The following CLMP variants were observed in gnomAD, a reference collection of about 807,000 sequenced individuals.
CLMP encodes CXADR-like membrane protein.
A neutral mutation model predicts 45.2 loss-of-function variants in CLMP; 27 were observed. The ratio of observed to expected loss-of-function variants is 0.60; its 90% CI spans 0.44 to 0.82. The LOEUF (loss-of-function observed/expected upper bound fraction) is 0.82. Among genes scored for constraint, CLMP ranks in the 40% least tolerant of loss-of-function variants. The pLI is 0.00. For missense variants in CLMP, 403 were observed against 448.4 expected (o/e 0.90, Z 0.91); for synonymous variants, 167 against 171.4 (o/e 0.97, Z 0.20).
chr11:123,168,521 T>C (rs886641507), intron 1 of CLMP, among the ~76,000 whole-genome samples: 1 of 152,144 alleles, frequency 6.6e-6, no homozygotes, highest in Non-Finnish European at 1.5e-5. Context: ...TGGGGCTGCT[T>C]TTCTCCTTGC....
At chr11:123,192,335 G>C (rs188938304) in intron 1 of CLMP, among the ~76,000 whole-genome samples, 2 of 152,282 alleles carry the variant, frequency 1.3e-5, no homozygotes, top group Admixed American at 6.5e-5. Context: ...TAGAAATTTT[G>C]AATTGAACAT....
At chr11:123,175,066 G>A (rs1262408365) in intron 1 of CLMP, among the ~76,000 whole-genome samples, 1 of 152,150 alleles carries the variant, frequency 6.6e-6, no homozygotes, top group Non-Finnish European at 1.5e-5. Context: ...TGATCCTCCT[G>A]CCTCTGTCTC....
chr11:123,125,526 C>T (rs1270057447), intron 1 of CLMP, among the ~76,000 whole-genome samples: 8 of 101,758 alleles, frequency 7.9e-5, no homozygotes, highest in African/African-American at 3.0e-4. Flanking sequence ...CCCTTCCCTT[C>T]CCTTCCCTCC....
Position 123,070,540 on chromosome 11 carries a change from A to G in CLMP, c.*2934T>C, listed in dbSNP as rs1270481927. The G allele has an allele frequency of 6.6e-6, 1 of 152,190 alleles. No homozygotes were observed. The highest frequency in any genetic ancestry group is 1.5e-5 in the Non-Finnish European group (1 of 68,034). 9.4% of individuals were successfully genotyped at this position (152,190 alleles called of 1,614,324 possible). On this transcript the variant is annotated 3_prime_UTR_variant, in exon 7 of 7. Transcript: ENST00000448775. Reference sequence around the variant, plus strand: ...AAAATCTAAGGCTCTTTTTCATGCAAAGGAGACTGATTTTTGCTTTCAAAA... The same window carrying G: ...AAAATCTAAGGCTCTTTTTCATGCAGAGGAGACTGATTTTTGCTTTCAAAA...
At chr11:123,111,758 GC>G (rs1307690109) in intron 1 of CLMP, among the ~76,000 whole-genome samples, 1 of 152,072 alleles carries the variant, frequency 6.6e-6, no homozygotes, top group African/African-American at 2.4e-5. Flanking sequence ...ATGTTCAAAG[GC>G]CCATGGAAAA....
At chr11:123,109,227 G>GTGATGATAGTCTCTCCTACTCC (rs1337031311) in intron 1 of CLMP, among the ~76,000 whole-genome samples, 1 of 152,132 alleles carries the variant, frequency 6.6e-6, no homozygotes, top group Non-Finnish European at 1.5e-5. Context: ...GAATACAAAG[G>GTGATGATAGTCTCTCCTACTCC]TGATGATAGT....
At chr11:123,119,030 T>C (rs1018777134) in intron 1 of CLMP, among the ~76,000 whole-genome samples, 13 of 51,836 alleles carry the variant, frequency 2.5e-4, no homozygotes, top group African/African-American at 1.1e-3. Context: ...TCTCTCTCTC[T>C]CTCTCTCTCT....
intron 1 of CLMP, among the ~76,000 whole-genome samples, chr11:123,104,033 T>C (rs1449723269): frequency 6.6e-6 from 1 of 151,746 alleles, no homozygotes; most frequent in African/African-American, 2.4e-5. Context: ...TTTCACTGCG[T>C]TGGCCAAGCT....
intron 1 of CLMP, among the ~76,000 whole-genome samples, chr11:123,155,579 G>C (rs1461605310): frequency 6.6e-6 from 1 of 152,186 alleles, no homozygotes; most frequent in East Asian, 1.9e-4. Flanking sequence ...AAGAGGTCGA[G>C]CTAGAATTTT....
At chr11:123,191,174 C>G (rs562572824) in intron 1 of CLMP, among the ~76,000 whole-genome samples, 22 of 152,282 alleles carry the variant, frequency 1.4e-4, no homozygotes, top group African/African-American at 5.3e-4. Context: ...TTTAAACAGT[C>G]TCTTAGTTTT....
At chr11:123,142,916 G>A (rs1312548491) in intron 1 of CLMP, among the ~76,000 whole-genome samples, 4 of 152,214 alleles carry the variant, frequency 2.6e-5, no homozygotes, top group South Asian at 2.1e-4. Flanking sequence ...GTGAGCCACC[G>A]CGCCCGGCCG....
chr11:123,133,505 T>C (rs1009637445), intron 1 of CLMP, among the ~76,000 whole-genome samples: 1 of 152,202 alleles, frequency 6.6e-6, no homozygotes, highest in Non-Finnish European at 1.5e-5. Context: ...CTACCTTGTT[T>C]CTTGGCTATA....
At chr11:123,077,677 C>T (rs1047963124) in intron 5 of CLMP, among the ~76,000 whole-genome samples, 1 of 152,090 alleles carries the variant, frequency 6.6e-6, no homozygotes, top group Non-Finnish European at 1.5e-5. Flanking sequence ...TTTAAGGTCT[C>T]AAAGGAATGG....
At chr11:123,177,469 C>T (rs1424824643) in intron 1 of CLMP, among the ~76,000 whole-genome samples, 2 of 152,130 alleles carry the variant, frequency 1.3e-5, no homozygotes, top group Admixed American at 6.5e-5. Flanking sequence ...CTTTCAGCCC[C>T]AAGGACTTAA....
intron 1 of CLMP, among the ~76,000 whole-genome samples, chr11:123,121,226 G>A (rs908716368): frequency 2.0e-5 from 3 of 151,776 alleles, no homozygotes; most frequent in African/African-American, 4.8e-5. Flanking sequence ...GATTCCCAAC[G>A]TCAGTGTCTG....
At chr11:123,171,568 C>T (rs117280470) in intron 1 of CLMP, among the ~76,000 whole-genome samples, 2,562 of 151,734 alleles carry the variant, frequency 0.017, 29 homozygotes, top group Non-Finnish European at 0.025. Context: ...CTCAGCCTTC[C>T]GAGTAGCTGG....
chr11:123,115,564 A>G (rs1264275512), intron 1 of CLMP, among the ~76,000 whole-genome samples: 2 of 152,078 alleles, frequency 1.3e-5, no homozygotes, highest in African/African-American at 4.8e-5. Flanking sequence ...TCCATTCTAT[A>G]TGATTCCAGG....
chr11:123,123,588 G>A lies in CLMP; in HGVS notation c.29-25636C>T, dbSNP rs961044324. On this transcript the variant is annotated intron_variant, in intron 1 of 6. Coordinates refer to ENST00000448775, the MANE Select transcript of CLMP (RefSeq NM_024769.5). ...TTTTTGTACATGAGAAATTGGTGGC[G>A]AGTCCCATGAGGAAGTGCGGCGTAC... is the stretch of plus-strand genomic sequence containing the variant. Among the ~76,000 whole-genome samples, 21 of 152,046 alleles carry A rather than the reference G, an allele frequency of 1.4e-4. 1 individual carries two copies. Among genetic ancestry groups the A allele is most frequent in the Admixed American group, 1.0e-3 (16 of 15,242 alleles).
At chr11:123,088,130 G>A (rs968115266) in intron 2 of CLMP, among the ~76,000 whole-genome samples, 9 of 151,950 alleles carry the variant, frequency 5.9e-5, no homozygotes, top group East Asian at 1.9e-4. Flanking sequence ...GGCTGGTCTC[G>A]AACTCCTGAC....
Sources: allele counts gnomAD v4.1 joint callset (sites outside exome capture counted in the v4.1 genomes callset), GRCh38; gene constraint gnomAD v4.1.1; transcripts MANE v1.5; gene names NCBI Gene and HGNC (gene_info 2026-07-23, HGNC 2026-07-21).